USH2A: variants seen among roughly 807,000 people sequenced by gnomAD.
The protein encoded by USH2A is usherin, also known as Usher syndrome 2A (autosomal recessive, mild).
USH2A carries 443 observed loss-of-function variants against 538.9 expected under a neutral mutation model. The ratio of observed to expected loss-of-function variants is 0.82; its 90% CI spans 0.76 to 0.89. The LOEUF (loss-of-function observed/expected upper bound fraction) is 0.89. Ranked by LOEUF, USH2A falls within the 40% of genes least tolerant of loss-of-function variation. The pLI, the probability that USH2A is intolerant of heterozygous loss-of-function variation, is 0.00. For missense variants in USH2A, 6,633 were observed against 6,324.8 expected, an observed-to-expected ratio of 1.05 and a Z score of -1.65; for synonymous variants, 2,413 against 2,273.5, an observed-to-expected ratio of 1.06 and a Z score of -1.75.
intron 2 of USH2A, among the ~76,000 whole-genome samples, chr1:216,421,123 A>G (rs2039669174): frequency 6.6e-6 from 1 of 152,136 alleles, no homozygotes; most frequent in South Asian, 2.1e-4. Context: ...TTGAGAAAAG[A>G]TTACAGAATG....
chr1:216,394,863 C>T (rs922207511), intron 3 of USH2A, among the ~76,000 whole-genome samples: 21 of 151,710 alleles, frequency 1.4e-4, no homozygotes, highest in South Asian at 4.2e-4. Flanking sequence ...GGACTACAGG[C>T]GCCCGCCACC....
chr1:216,224,358 T>G (rs2035521063), intron 14 of USH2A, among the ~76,000 whole-genome samples: 1 of 152,184 alleles, frequency 6.6e-6, no homozygotes, highest in Non-Finnish European at 1.5e-5. Context: ...TGTTTTTGGG[T>G]TAGACAAACA....
At chr1:216,275,483 T>C (rs1011064037) in intron 11 of USH2A, among the ~76,000 whole-genome samples, 1 of 152,078 alleles carries the variant, frequency 6.6e-6, no homozygotes, top group Non-Finnish European at 1.5e-5. Context: ...CTGTTTTATT[T>C]TAGTACAAGT....
At position 216,359,999 on chromosome 1, in the gene USH2A, A is replaced by G. The variant is rs559855614; in HGVS notation, c.784+4954T>C. Among the ~76,000 whole-genome samples, 143 of 152,210 alleles carry G rather than the reference A, an allele frequency of 9.4e-4. 1 individual carries two copies. Among genetic ancestry groups the G allele is most frequent in the African/African-American group, 3.3e-3 (136 of 41,556 alleles). On this transcript the variant is annotated intron_variant, in intron 4 of 71. Coordinates refer to ENST00000307340, the MANE Select transcript of USH2A (RefSeq NM_206933.4). ...AAACGATATAGTCATTTTGGAAGAC[A>G]ATTTTACAGTTTCTTACAAAACTAA...
At chr1:216,105,082 G>C (rs1428143471) in intron 21 of USH2A, among the ~76,000 whole-genome samples, 3 of 152,112 alleles carry the variant, frequency 2.0e-5, no homozygotes, top group Non-Finnish European at 4.4e-5. Context: ...CTGGCCATCA[G>C]AGAAATGCAA....
chr1:215,849,354 G>C (rs1663957392), intron 44 of USH2A, among the ~76,000 whole-genome samples: 1 of 152,096 alleles, frequency 6.6e-6, no homozygotes, highest in Admixed American at 6.6e-5. Context: ...AGATGTAAAG[G>C]GGTCTGCCTT....
intron 38 of USH2A, among the ~76,000 whole-genome samples, chr1:215,929,957 C>T (rs945657754): frequency 1.1e-4 from 17 of 151,758 alleles, no homozygotes; most frequent in Admixed American, 9.2e-4. Flanking sequence ...GAGAGAGAGT[C>T]GAAAAGACCC....
intron 4 of USH2A, among the ~76,000 whole-genome samples, chr1:216,330,716 A>G (rs1170966964): frequency 6.6e-6 from 1 of 152,028 alleles, no homozygotes; most frequent in Non-Finnish European, 1.5e-5. Context: ...AAGCCATTGG[A>G]GGGTTTTGAG....
At chr1:216,236,163 G>T (rs2035812111) in intron 13 of USH2A, among the ~76,000 whole-genome samples, 1 of 151,396 alleles carries the variant, frequency 6.6e-6, no homozygotes, top group Non-Finnish European at 1.5e-5. Context: ...ATTTTTAAGG[G>T]TTTTTCAATT....
intron 3 of USH2A, among the ~76,000 whole-genome samples, chr1:216,396,737 A>G (rs2039220057): frequency 6.6e-6 from 1 of 152,170 alleles, no homozygotes; most frequent in Admixed American, 6.5e-5. Flanking sequence ...ATCAGATACA[A>G]ACTATGGTGA....
chr1:216,212,727 G>A (rs1231652880), intron 15 of USH2A, among the ~76,000 whole-genome samples: 1 of 150,944 alleles, frequency 6.6e-6, no homozygotes, highest in Non-Finnish European at 1.5e-5. Flanking sequence ...GTATGTAGGG[G>A]TGTGTGTGTG....
chr1:216,107,548 CTTAT>C (rs1248697632), intron 21 of USH2A, among the ~76,000 whole-genome samples: 4 of 69,336 alleles, frequency 5.8e-5, no homozygotes, highest in Non-Finnish European at 9.9e-5. Context: ...GTAAGTCTTG[CTTAT>C]TTAGCCAGTT....
intron 34 of USH2A, among the ~76,000 whole-genome samples, chr1:215,995,407 T>G (rs1197880411): frequency 6.6e-6 from 1 of 152,236 alleles, no homozygotes; most frequent in Non-Finnish European, 1.5e-5. Flanking sequence ...TATTTTGTTT[T>G]GCCCACATTC....
intron 3 of USH2A, among the ~76,000 whole-genome samples, chr1:216,380,184 G>A (rs1179363003): frequency 6.6e-6 from 1 of 152,114 alleles, no homozygotes; most frequent in Non-Finnish European, 1.5e-5. Context: ...CAACATAAAA[G>A]AAGATGCAAG....
intron 47 of USH2A, among the ~76,000 whole-genome samples, chr1:215,836,473 T>TATATATA (rs1344300092): frequency 2.0e-4 from 1 of 5,040 alleles, no homozygotes; most frequent in African/African-American, 3.9e-4. Context: ...ATTATATATA[T>TATATATA]ATATATAATA....
intron 32 of USH2A, among the ~76,000 whole-genome samples, chr1:216,015,891 T>C (rs11120718): frequency 0.61 from 93,047 of 152,048 alleles, 28,829 homozygotes; most frequent in East Asian, 0.75. Context: ...GACACATGCA[T>C]ACGTATGTTT....
At chr1:216,030,224 G>A (rs1669075089) in intron 32 of USH2A, among the ~76,000 whole-genome samples, 1 of 135,412 alleles carries the variant, frequency 7.4e-6, no homozygotes. Context: ...TATTATATAT[G>A]ATATATAGAT....
intron 64 of USH2A, among the ~76,000 whole-genome samples, chr1:215,658,205 C>T (rs1657327451): frequency 6.6e-6 from 1 of 151,784 alleles, no homozygotes; most frequent in Non-Finnish European, 1.5e-5. Context: ...AACCCTGATT[C>T]ACTTTTAACA....
At chr1:216,106,830 A>C (rs1226639786) in intron 21 of USH2A, among the ~76,000 whole-genome samples, 1 of 151,852 alleles carries the variant, frequency 6.6e-6, no homozygotes, top group South Asian at 2.1e-4. Context: ...CATTCCAAAA[A>C]GTTCATGTTA....
Sources: allele counts gnomAD v4.1 joint callset (sites outside exome capture counted in the v4.1 genomes callset), GRCh38; gene constraint gnomAD v4.1.1; transcripts MANE v1.5; gene names NCBI Gene and HGNC (gene_info 2026-07-23, HGNC 2026-07-21).